MRE11: variants seen among roughly 807,000 people sequenced by gnomAD.
MRE11 encodes double-strand break repair protein MRE11.
A neutral mutation model predicts 91.7 loss-of-function variants in MRE11; 62 were observed. The ratio of observed to expected loss-of-function variants is 0.68; its 90% CI spans 0.55 to 0.84. The LOEUF is 0.84. Ranked by LOEUF, MRE11 falls within the 40% of genes least tolerant of loss-of-function variation. The probability of loss-of-function intolerance (pLI) is 0.00; values close to 1 mark genes in which losing one functional copy is unlikely to be tolerated. For synonymous variants in MRE11, 273 were observed against 271.4 expected (o/e 1.01, Z -0.06); for missense variants, 796 against 852.9 (o/e 0.93, Z 0.83).
intron 7 of MRE11, among the ~76,000 whole-genome samples, chr11:94,474,032 T>G (rs1339669997): frequency 1.3e-5 from 2 of 152,132 alleles, no homozygotes; most frequent in African/African-American, 4.8e-5. Context: ...TATGTATGCA[T>G]GGGTTACTAT....
intron 17 of MRE11, among the ~76,000 whole-genome samples, chr11:94,436,328 T>C (rs1945612612): frequency 6.6e-6 from 1 of 152,212 alleles, no homozygotes; most frequent in South Asian, 2.1e-4. Context: ...TACCATTTGT[T>C]AGTGTTAAGA....
chr11:94,466,880 CAAG>C (rs1946578665), intron 10 of MRE11, among the ~76,000 whole-genome samples: 1 of 152,144 alleles, frequency 6.6e-6, no homozygotes, highest in Non-Finnish European at 1.5e-5. Context: ...AGATACAGAA[CAAG>C]AAGGAGGTCT....
At chr11:94,503,730 G>A in the MRE11 span, among the ~76,000 whole-genome samples, 1 of 140,806 alleles carries the variant, frequency 7.1e-6, no homozygotes, top group Non-Finnish European at 1.5e-5. Flanking sequence ...TTAAAATCGG[G>A]ATTTTTATAA....
chr11:94,479,844 A>T (rs1946970055), intron 4 of MRE11, 83 bp from the exon 5 acceptor site: 1 of 1,064,062 alleles, frequency 9.4e-7, no homozygotes, highest in African/African-American at 1.6e-5. Context: ...TATTAATGCA[A>T]TCATAGGCAA....
chr11:94,457,465 G>T (rs1946283343), intron 13 of MRE11, among the ~76,000 whole-genome samples: 1 of 152,142 alleles, frequency 6.6e-6, no homozygotes, highest in African/African-American at 2.4e-5. Context: ...TAAGCTGAAA[G>T]AAATAACAGC....
Position 94,421,007 on chromosome 11 carries a change from C to G in MRE11, c.2071-826G>C, listed in dbSNP as rs13447736. ...AGATCGTGCCACTGCACTCCAGCCT[C>G]GGCGACAGAGCGAGAGACTCCATCT... is the stretch of plus-strand genomic sequence containing the variant. On this transcript the variant is annotated intron_variant, in intron 19 of 19. Transcript: ENST00000323929. Among the ~76,000 whole-genome samples, 881 of 149,772 alleles carry G rather than the reference C, an allele frequency of 5.9e-3. 14 individuals are homozygous for G. The highest frequency in any genetic ancestry group is 0.02 in the African/African-American group (800 of 40,632).
intron 11 of MRE11, 133 bp downstream of exon 11, chr11:94,463,980 C>T: frequency 1.0e-6 from 1 of 954,432 alleles, no homozygotes; most frequent in Admixed American, 2.5e-5. Context: ...GAGAATTATT[C>T]CCACTGTCAA....
chr11:94,444,654 C>T (rs1591651372), intron 16 of MRE11, among the ~76,000 whole-genome samples: 1 of 152,136 alleles, frequency 6.6e-6, no homozygotes, highest in Non-Finnish European at 1.5e-5. Flanking sequence ...TCTTTTTCAC[C>T]TGGGTTGCTG....
intron 7 of MRE11, among the ~76,000 whole-genome samples, chr11:94,472,084 T>A (rs1267580248): frequency 6.6e-6 from 1 of 152,048 alleles, no homozygotes; most frequent in South Asian, 2.1e-4. Context: ...CTATCAATAG[T>A]AGAAATCTAT....
At chr11:94,463,982 CA>C in intron 11 of MRE11, 130 bp downstream of exon 11, 1 of 966,252 alleles carries the variant, frequency 1.0e-6, no homozygotes, top group Middle Eastern at 3.3e-4. Flanking sequence ...GAATTATTCC[CA>C]CTGTCAATTT....
chr11:94,456,479 T>C, intron 13 of MRE11, 141 bp from the exon 14 acceptor site: 1 of 718,684 alleles, frequency 1.4e-6, no homozygotes, highest in East Asian at 2.7e-5. Flanking sequence ...ATCATATTTT[T>C]CCAATTATTA....
At chr11:94,476,861 C>T (rs1000859108) in intron 6 of MRE11, among the ~76,000 whole-genome samples, 1 of 152,108 alleles carries the variant, frequency 6.6e-6, no homozygotes, top group South Asian at 2.1e-4. Flanking sequence ...GCTGGGATTA[C>T]AGCATGCACC....
chr11:94,454,428 T>C (rs761689504), intron 14 of MRE11, among the ~76,000 whole-genome samples: 3 of 152,122 alleles, frequency 2.0e-5, no homozygotes, highest in Non-Finnish European at 2.9e-5. Context: ...ATAGTCTTGT[T>C]TGTCAGTATA....
At chr11:94,500,834 T>C in the MRE11 span, among the ~76,000 whole-genome samples, 7 of 152,184 alleles carry the variant, frequency 4.6e-5, no homozygotes, top group Non-Finnish European at 8.8e-5. Flanking sequence ...TATTATGTTA[T>C]CTAACACTAT....
intron 10 of MRE11, among the ~76,000 whole-genome samples, 176 bp from the exon 11 acceptor site, chr11:94,464,415 G>A (rs1158074688): frequency 6.6e-6 from 1 of 152,168 alleles, no homozygotes; most frequent in Admixed American, 6.5e-5. Context: ...AGAAACTAAT[G>A]TTTGAAAAGT....
intron 7 of MRE11, 110 bp downstream of exon 7, chr11:94,476,179 G>C: frequency 2.8e-6 from 2 of 707,902 alleles, no homozygotes; most frequent in Non-Finnish European, 5.1e-6. Context: ...GTCTGATCTT[G>C]CATTGACAAC....
At chr11:94,463,837 G>A (rs930046495) in intron 11 of MRE11, among the ~76,000 whole-genome samples, 2 of 152,036 alleles carry the variant, frequency 1.3e-5, no homozygotes, top group African/African-American at 2.4e-5. Context: ...TGTAAATGAC[G>A]AGTTAATGGG....
At chr11:94,506,197 G>T in the MRE11 span, among the ~76,000 whole-genome samples, 148,171 of 149,026 alleles carry the variant, frequency 0.99, 73,658 homozygotes, top group South Asian at 1. Context: ...TTTTTTTTTT[G>T]GGTAAGGATT....
chr11:94,454,937 A>G (rs1404010499), intron 14 of MRE11, among the ~76,000 whole-genome samples: 1 of 152,206 alleles, frequency 6.6e-6, no homozygotes, highest in Non-Finnish European at 1.5e-5. Flanking sequence ...AATGCACCTT[A>G]TAAGATAAAT....
Sources: allele counts gnomAD v4.1 joint callset (sites outside exome capture counted in the v4.1 genomes callset), GRCh38; gene constraint gnomAD v4.1.1; transcripts MANE v1.5; gene names NCBI Gene and HGNC (gene_info 2026-07-23, HGNC 2026-07-21).